Variants in CDIN1 observed in about 807,000 individuals in gnomAD.
CDIN1 encodes CDAN1 interacting nuclease 1.
Under a neutral mutation model 45.3 loss-of-function variants are expected in CDIN1, and 33 were observed. The ratio of observed to expected loss-of-function variants is 0.73; its 90% confidence interval spans 0.55 to 0.97. CDIN1 has a LOEUF of 0.97. Among genes scored for constraint, CDIN1 ranks in the 50% least tolerant of loss-of-function variants. The pLI, the probability that CDIN1 is intolerant of heterozygous loss-of-function variation, is 0.00. For synonymous variants in CDIN1, 118 were observed against 124.4 expected (o/e 0.95, Z 0.34); for missense variants, 303 against 339.4 (o/e 0.89, Z 0.84).
At chr15:36,679,743 C>G (rs1389274336) in intron 5 of CDIN1, among the ~76,000 whole-genome samples, 1 of 152,082 alleles carries the variant, frequency 6.6e-6, no homozygotes, top group Non-Finnish European at 1.5e-5. Flanking sequence ...TGGAACCCAC[C>G]AACCTTTTCA....
At chr15:36,732,323 CTT>C (rs2043862325) in intron 10 of CDIN1, among the ~76,000 whole-genome samples, 1 of 152,004 alleles carries the variant, frequency 6.6e-6, no homozygotes, top group South Asian at 2.1e-4. Flanking sequence ...AGGAAAAAAA[CTT>C]AAGAGACATC....
chr15:36,686,405 T>G (rs1378754479), intron 5 of CDIN1, among the ~76,000 whole-genome samples: 1 of 106,482 alleles, frequency 9.4e-6, no homozygotes, highest in African/African-American at 3.7e-5. Flanking sequence ...CTCTGGGGAC[T>G]GTTGTGGGGT....
intron 10 of CDIN1, among the ~76,000 whole-genome samples, chr15:36,805,628 G>A (rs953633233): frequency 2.6e-5 from 4 of 152,050 alleles, no homozygotes; most frequent in Non-Finnish European, 4.4e-5. Context: ...TTTCAAATTA[G>A]CAACCAAAAC....
intron 10 of CDIN1, among the ~76,000 whole-genome samples, chr15:36,762,221 T>G (rs1239557209): frequency 6.6e-6 from 1 of 152,190 alleles, no homozygotes; most frequent in East Asian, 1.9e-4. Flanking sequence ...TCCCTCTGTT[T>G]CTAACCTCTC....
At chr15:36,740,465 T>G (rs1037335780) in intron 10 of CDIN1, among the ~76,000 whole-genome samples, 12 of 147,722 alleles carry the variant, frequency 8.1e-5, no homozygotes, top group African/African-American at 3.2e-4. Flanking sequence ...GAGTGGAAAC[T>G]GTGGTGATAC....
chr15:36,748,899 C>G (rs765272770), intron 10 of CDIN1, among the ~76,000 whole-genome samples: 13 of 152,138 alleles, frequency 8.5e-5, no homozygotes, highest in Non-Finnish European at 1.6e-4. Context: ...GTTGCCCCTC[C>G]TATCAACTTT....
At chr15:36,784,790 C>G (rs1464127121) in intron 10 of CDIN1, among the ~76,000 whole-genome samples, 1 of 152,112 alleles carries the variant, frequency 6.6e-6, no homozygotes, top group Non-Finnish European at 1.5e-5. Context: ...ATCTCTCCTC[C>G]TCTTTGCTAC....
At chr15:36,760,100 G>A (rs571590971) in intron 10 of CDIN1, among the ~76,000 whole-genome samples, 54 of 152,194 alleles carry the variant, frequency 3.5e-4, no homozygotes, top group Non-Finnish European at 7.5e-4. Context: ...TATAAATATA[G>A]CTCTATGTGA....
intron 10 of CDIN1, among the ~76,000 whole-genome samples, chr15:36,796,138 A>C (rs887030867): frequency 3.3e-5 from 5 of 152,266 alleles, no homozygotes; most frequent in Admixed American, 3.3e-4. Context: ...CTACTCATGG[A>C]AAGATCTGTG....
At chr15:36,755,267 G>A (rs2053579116) in intron 10 of CDIN1, among the ~76,000 whole-genome samples, 1 of 152,192 alleles carries the variant, frequency 6.6e-6, no homozygotes, top group African/African-American at 2.4e-5. Flanking sequence ...TGCCTGCTGT[G>A]AGAATGCAAG....
intron 1 of CDIN1, chr15:36,627,181 G>T: frequency 5.1e-6 from 1 of 195,666 alleles, no homozygotes; most frequent in South Asian, 1.3e-4. Context: ...TGTTCCACTT[G>T]GTGAGGCAGT....
intron 10 of CDIN1, among the ~76,000 whole-genome samples, chr15:36,715,613 A>G (rs552734982): frequency 6.6e-4 from 101 of 152,324 alleles, no homozygotes; most frequent in African/African-American, 2.4e-3. Context: ...GCAGCCTCAG[A>G]AGCAGCACTG....
intron 5 of CDIN1, among the ~76,000 whole-genome samples, chr15:36,688,209 T>C (rs772895287): frequency 2.6e-5 from 4 of 151,638 alleles, no homozygotes; most frequent in Non-Finnish European, 4.4e-5. Context: ...ACATTTGGTC[T>C]CATGAAAATA....
intron 1 of CDIN1, among the ~76,000 whole-genome samples, chr15:36,632,789 A>G (rs2039733904): frequency 6.6e-6 from 1 of 152,228 alleles, no homozygotes. Context: ...ATTTAAAAAG[A>G]TGACTGATAA....
At chr15:36,742,784 G>A (rs1320035716) in intron 10 of CDIN1, among the ~76,000 whole-genome samples, 3 of 152,146 alleles carry the variant, frequency 2.0e-5, no homozygotes, top group Non-Finnish European at 2.9e-5. Flanking sequence ...GGGTACAGGG[G>A]TAGGCAATAA....
At chr15:36,645,434 G>A in intron 3 of CDIN1, 147 bp downstream of exon 3, 1 of 733,386 alleles carries the variant, frequency 1.4e-6, no homozygotes. Context: ...GTATGTTTTT[G>A]AATGAGTTTT....
intron 10 of CDIN1, among the ~76,000 whole-genome samples, chr15:36,794,022 A>AAAC (rs2054720489): frequency 6.7e-6 from 1 of 149,738 alleles, no homozygotes; most frequent in South Asian, 2.1e-4. Context: ...TGTGGTGAAA[A>AAAC]AAAAAACCCC....
At chr15:36,681,562 T>C (rs2041852964) in intron 5 of CDIN1, among the ~76,000 whole-genome samples, 1 of 152,160 alleles carries the variant, frequency 6.6e-6, no homozygotes, top group Non-Finnish European at 1.5e-5. Context: ...ATGAAACAAC[T>C]AATTCCAAGC....
chr15:36,647,528 CA>C (rs1458328984), intron 3 of CDIN1: 1 of 152,180 alleles, frequency 6.6e-6, no homozygotes, highest in African/African-American at 2.4e-5. Context: ...CTGACTTTAC[CA>C]ACCTGCTGTC....
Sources: gnomAD v4.1 joint callset for allele counts (sites outside exome capture counted in the v4.1 genomes callset) on GRCh38, gnomAD v4.1.1 for gene constraint, MANE v1.5 for transcripts, NCBI Gene and HGNC (gene_info 2026-07-23, HGNC 2026-07-21) for gene names.